PHF2: variants seen among roughly 807,000 people sequenced by gnomAD.
PHF2 encodes the protein PHD finger protein 2, also known as lysine-specific demethylase PHF2.
A neutral mutation model predicts 120.5 loss-of-function variants in PHF2; 27 were observed. The observed-to-expected ratio is 0.22, with a 90% CI of 0.17 to 0.31. The LOEUF (loss-of-function observed/expected upper bound fraction) is 0.31, where lower values mean the gene tolerates loss of function less well. Among genes scored for constraint, PHF2 ranks in the 10% least tolerant of loss-of-function variants. The pLI is 1.00. For synonymous variants in PHF2, 568 were observed against 592.5 expected (o/e 0.96, Z 0.60); for missense variants, 1,024 against 1,434.8 (o/e 0.71, Z 4.63).
chr9:93,622,542 A>G (rs1452737255), intron 1 of PHF2, among the ~76,000 whole-genome samples: 1 of 152,126 alleles, frequency 6.6e-6, no homozygotes, highest in Non-Finnish European at 1.5e-5. Flanking sequence ...TCGGCTGGCC[A>G]TCACTGGCTT....
chr9:93,668,799 C>T (rs1181981945), intron 17 of PHF2, among the ~76,000 whole-genome samples: 3 of 152,248 alleles, frequency 2.0e-5, no homozygotes, highest in Non-Finnish European at 2.9e-5. Context: ...TGCACGTGCA[C>T]ATGTGCCTGC....
At chr9:93,670,930 CTG>C in intron 17 of PHF2, 1 of 905,384 alleles carries the variant, frequency 1.1e-6, no homozygotes, top group Non-Finnish European at 1.3e-6. Flanking sequence ...GCCTGGGAGT[CTG>C]TGTGGAGCCT....
At chr9:93,670,067 G>T (rs1178506096) in intron 17 of PHF2, among the ~76,000 whole-genome samples, 1 of 152,230 alleles carries the variant, frequency 6.6e-6, no homozygotes, top group Non-Finnish European at 1.5e-5. Context: ...CCTCTCATCT[G>T]AATGGTTTTA....
intron 1 of PHF2, among the ~76,000 whole-genome samples, chr9:93,599,734 T>G (rs1410100651): frequency 6.6e-6 from 1 of 152,216 alleles, no homozygotes; most frequent in Admixed American, 6.5e-5. Flanking sequence ...ATTTCACATG[T>G]GAGCTGCTTG....
In PHF2 at chr9:93,667,162, G is replaced by A. The variant is rs776125722; in HGVS notation, c.2270G>A (p.Ser757Asn). 1 of 1,613,264 alleles carries A rather than the reference G, an allele frequency of 6.2e-7. No homozygotes were observed. Among genetic ancestry groups the A allele is most frequent in the Non-Finnish European group, 8.5e-7 (1 of 1,179,994 alleles). The change falls in exon 17 of 22, where the codon AGT becomes AAT. Residue 757 changes from serine (S) to asparagine (N), a missense_variant. Ser to Asn is a conservative substitution (Grantham distance 46, BLOSUM62 1). This residue lies in a region of PHF2 where 677 missense variants were observed against 857.4 expected (regional missense o/e 0.79). Transcript: ENST00000359246. ...PGRNARVKKE[S>N]GSSAAGILDL... Reference sequence around the variant, plus strand: ...CGCAATGCCAGAGTCAAGAAGGAGAGTGGGAGCTCGGCAGCTGGCATCTTG... The same window carrying A: ...CGCAATGCCAGAGTCAAGAAGGAGAATGGGAGCTCGGCAGCTGGCATCTTG...
At chr9:93,651,116 G>T (rs923032863) in intron 5 of PHF2, among the ~76,000 whole-genome samples, 2 of 125,160 alleles carry the variant, frequency 1.6e-5, no homozygotes, top group African/African-American at 2.9e-5. Flanking sequence ...AAAAAAAAAA[G>T]GTAATGGGCA....
chr9:93,590,519 C>T (rs1007208507), intron 1 of PHF2, among the ~76,000 whole-genome samples: 1 of 152,210 alleles, frequency 6.6e-6, no homozygotes, highest in Non-Finnish European at 1.5e-5. Flanking sequence ...TTCCTAAATA[C>T]CCCTCTTTGT....
chr9:93,660,397 C>T lies in PHF2; in HGVS notation c.1535C>T (p.Pro512Leu), dbSNP rs1158090940. 6 of 1,533,564 alleles carry T rather than the reference C, an allele frequency of 3.9e-6. No homozygotes were observed. Among genetic ancestry groups the T allele is most frequent in the South Asian group, 3.6e-5 (3 of 83,128 alleles). The allele number at this position is 1,533,564 out of a possible 1,614,324, so 95.0% of individuals were successfully genotyped here. A position where few individuals can be genotyped will look rare whatever the true frequency, so the allele number is the denominator to read the frequency against. ...PSKIPKPPKPPKPPRPPKTLK... is the reference protein window; with the variant it reads ...PSKIPKPPKPLKPPRPPKTLK... The stretch of plus-strand genomic sequence containing the variant: ...AAAATCCCCAAGCCCCCGAAGCCCC[C>T]TAAGCCCCCAAGGCCCCCCAAAACG... Residue 512 changes from proline (P) to leucine (L), a missense_variant, in exon 12 of 22, where the codon CCT becomes CTT. By Grantham distance (98) the Pro-to-Leu change is moderately conservative. Around this residue, in one of 2 missense-constraint regions of PHF2, gnomAD observed 677 missense variants for 857.4 expected, o/e 0.79. Transcript: ENST00000359246.
rs1276197753 is a variant in PHF2 at position 93,676,962 on chromosome 9, A to G, written c.3201A>G (p.Lys1067=). Residue 1067 remains lysine, a splice_region_variant and synonymous_variant, in exon 21 of 22, where the codon AAA becomes AAG. Coordinates refer to ENST00000359246, the MANE Select transcript of PHF2 (RefSeq NM_005392.4). ...ASSPNNNTAA[K]GKRTKKGMAT... is the part of the protein sequence containing the mutation. ...CTCCAAACAACAACACCGCTGCCAA[A>G]GGTACTGTGCCTGCTGGAGGGAGCC... is the stretch of plus-strand genomic sequence containing the variant. 1 of 1,545,534 alleles carries G rather than the reference A, an allele frequency of 6.5e-7. No individual in the cohort carries two copies. Among genetic ancestry groups the G allele is most frequent in the Admixed American group, 1.9e-5 (1 of 52,164 alleles).
Position 93,658,902 on chromosome 9 carries a change from G to A in PHF2, c.1240-609G>A, listed in dbSNP as rs138903827. On this transcript the variant is annotated intron_variant, in intron 10 of 21. Transcript: ENST00000359246. ...CTTCCCTTGGTTTTGGCTACAGAAG[G>A]GAGGGGAAGGTCTGGCCCAGCCTCG... Among the ~76,000 whole-genome samples the A allele has an allele frequency of 8.0e-3, 1,212 of 152,330 alleles. 9 individuals are homozygous for A. Among genetic ancestry groups the A allele is most frequent in the East Asian group, 0.019 (97 of 5,172 alleles).
intron 1 of PHF2, among the ~76,000 whole-genome samples, chr9:93,589,544 A>C (rs902249814): frequency 6.6e-6 from 1 of 152,194 alleles, no homozygotes; most frequent in African/African-American, 2.4e-5. Flanking sequence ...GCAAGAAATG[A>C]CTAACCTGTT....
rs562248279 is a variant in PHF2, at chr9:93,663,597, T to A, written c.1899T>A (p.Asn633Lys). ...CGCCTCTAGCTGGAAACAAAGACAATAAGTTCTCTTTTTCTTTCTCCAACA... is the reference window on the plus strand; with the variant it reads ...CGCCTCTAGCTGGAAACAAAGACAAAAAGTTCTCTTTTTCTTTCTCCAACA... ...EKSPLAGNKD[N>K]KFSFSFSNKK... The change falls in exon 14 of 22, where the codon AAT becomes AAA. Residue 633 changes from asparagine to lysine, a missense_variant. Asn to Lys is a moderately conservative substitution (Grantham distance 94). This residue lies in a region of PHF2 where 677 missense variants were observed against 857.4 expected (regional missense o/e 0.79). Transcript: ENST00000359246. 7 of 1,613,056 alleles carry A rather than the reference T, an allele frequency of 4.3e-6. No homozygotes were observed. The African/African-American group carries it at 9.3e-5, about 22-fold the overall frequency.
intron 1 of PHF2, among the ~76,000 whole-genome samples, chr9:93,621,336 T>C (rs1825822873): frequency 6.6e-6 from 1 of 152,200 alleles, no homozygotes; most frequent in African/African-American, 2.4e-5. Context: ...AGAAGGACCC[T>C]TCCACCATGA....
intron 1 of PHF2, among the ~76,000 whole-genome samples, chr9:93,608,402 T>TTG (rs1014500834): frequency 1.3e-5 from 2 of 151,668 alleles, no homozygotes; most frequent in African/African-American, 4.8e-5. Flanking sequence ...TTGGTAGTTT[T>TTG]TTTTTTTTTT....
At chr9:93,580,061 A>G (rs190761698) in intron 1 of PHF2, among the ~76,000 whole-genome samples, 2 of 152,300 alleles carry the variant, frequency 1.3e-5, no homozygotes, top group African/African-American at 4.8e-5. Context: ...TGTGGAGTAG[A>G]GGTCGGGGAA....
At chr9:93,645,423 C>G (rs1270853280) in intron 3 of PHF2, among the ~76,000 whole-genome samples, 2 of 152,250 alleles carry the variant, frequency 1.3e-5, no homozygotes, top group Admixed American at 1.3e-4. Context: ...CTCCCCCAAA[C>G]AGTGGGGTTC....
At chr9:93,597,119 C>T (rs188630528) in intron 1 of PHF2, among the ~76,000 whole-genome samples, 285 of 152,024 alleles carry the variant, frequency 1.9e-3, no homozygotes, top group Middle Eastern at 3.4e-3. Context: ...TTAGTAGAGA[C>T]GGGGTTTCAC....
At position 93,679,333 on chromosome 9, in the gene PHF2, T is replaced by C. The variant is rs1342665006; in HGVS notation, c.*1657T>C. ...CCCAGGCTTATTCAGAACTGGTGTT[T>C]TTAAAGTTTCCTTTACCCTGCCCTT... On this transcript the variant is annotated 3_prime_UTR_variant, in exon 22 of 22. Coordinates refer to ENST00000359246, the MANE Select transcript of PHF2 (RefSeq NM_005392.4). 2.2e-6 allele frequency: 1 copy of C among 450,720 alleles called. No individual in the cohort carries two copies. Among genetic ancestry groups the C allele is most frequent in the African/African-American group, 2.0e-5 (1 of 49,760 alleles). 27.9% of individuals were successfully genotyped at this position (450,720 alleles called of 1,614,324 possible).
At chr9:93,584,481 C>G (rs1463520208) in intron 1 of PHF2, among the ~76,000 whole-genome samples, 1 of 152,160 alleles carries the variant, frequency 6.6e-6, no homozygotes, top group Non-Finnish European at 1.5e-5. Context: ...GTTGTCTCAG[C>G]ATCATTTGTT....
Sources: allele counts gnomAD v4.1 joint callset (sites outside exome capture counted in the v4.1 genomes callset), GRCh38; gene constraint gnomAD v4.1.1; regional missense constraint gnomAD v4.1.1; transcripts MANE v1.5; gene names NCBI Gene and HGNC (gene_info 2026-07-23, HGNC 2026-07-21).